GPR143: variants seen among roughly 807,000 people sequenced by gnomAD.
GPR143 encodes the protein G protein-coupled receptor 143.
Under a neutral mutation model 27.6 loss-of-function variants are expected in GPR143, and 8 were observed. The ratio of observed to expected loss-of-function variants is 0.29; its 90% CI spans 0.17 to 0.52. The LOEUF is 0.52. Among genes scored for constraint, GPR143 ranks in the 20% least tolerant of loss-of-function variants. GPR143 has a pLI of 0.96. For missense variants in GPR143, 303 were observed against 343.1 expected, an observed-to-expected ratio of 0.88 and a Z score of 0.92; for synonymous variants, 156 against 153.2, an observed-to-expected ratio of 1.02 and a Z score of -0.13.
At chrX:9,764,568 T>C (rs1267938652) in intron 1 of GPR143, among the ~76,000 whole-genome samples, 5 of 109,907 alleles carry the variant, frequency 4.5e-5, no homozygotes, top group Non-Finnish European at 9.5e-5. Context: ...AGAAGTTAAT[T>C]GTTAGTCTCT....
chrX:9,746,309 G>A (rs887388520), intron 4 of GPR143, among the ~76,000 whole-genome samples, 156 bp from the exon 5 acceptor site: 26 of 111,837 alleles, frequency 2.3e-4, no homozygotes, highest in African/African-American at 8.5e-4. Flanking sequence ...CATTTCTCAT[G>A]TCTGGAACAA....
chrX:9,725,585 C>T lies in GPR143; in HGVS notation c.*161G>A, dbSNP rs1193557323. The T allele has an allele frequency of 2.2e-6, 1 of 462,619 alleles. No individual in the cohort carries two copies. The highest frequency in any genetic ancestry group is 2.4e-5 in the African/African-American group (1 of 41,283). The allele number at this position is 462,619 out of a possible 1,213,427, so 38.1% of individuals were successfully genotyped here. On this transcript the variant is annotated 3_prime_UTR_variant, in exon 9 of 9. Transcript: ENST00000467482. ...GTGTGCATGAACCCTTTCTCCTATC[C>T]TAAAGGCCCTTCGGGAAGAAGCTCT...
intron 6 of GPR143, 97 bp from the exon 7 acceptor site, chrX:9,741,552 A>G: frequency 1.9e-6 from 1 of 526,537 alleles, no homozygotes; most frequent in Non-Finnish European, 3.5e-6. Context: ...CAAGACCTAA[A>G]AGTACCAACT....
At chrX:9,735,209 G>A (rs1446482496) in intron 8 of GPR143, among the ~76,000 whole-genome samples, 1 of 112,044 alleles carries the variant, frequency 8.9e-6, no homozygotes, top group African/African-American at 3.2e-5. Flanking sequence ...GGTCCTACAA[G>A]CAAATTGCAG....
At chrX:9,771,018 C>T (rs1021892173), upstream of GPR143, among the ~76,000 whole-genome samples, 17 of 112,070 alleles carry the variant, frequency 1.5e-4, no homozygotes, top group Admixed American at 1.0e-3. Flanking sequence ...AGGCCAGGTG[C>T]GGTGGCTCAT....
intron 1 of GPR143, 86 bp downstream of exon 1, chrX:9,765,482 G>A: frequency 2.2e-6 from 2 of 903,599 alleles, no homozygotes; most frequent in Admixed American, 4.6e-5. Context: ...CCTTATCCGG[G>A]CACCAGTCGG....
chrX:9,748,445 T>C (rs1335497809), intron 4 of GPR143, 129 bp downstream of exon 4: 15 of 523,190 alleles, frequency 2.9e-5, no homozygotes, highest in African/African-American at 2.3e-5. Flanking sequence ...CATGGCCTCA[T>C]GTGGCCCTGA....
chrX:9,732,848 T>G, intron 8 of GPR143, among the ~76,000 whole-genome samples: 1 of 78,362 alleles, frequency 1.3e-5, no homozygotes, highest in Non-Finnish European at 2.3e-5. Context: ...GGCGACAGAG[T>G]GAATGAAACT....
At chrX:9,774,957 G>A (rs943042019) in intron 1 of GPR143, among the ~76,000 whole-genome samples, 14 of 110,767 alleles carry the variant, frequency 1.3e-4, no homozygotes, top group Non-Finnish European at 1.1e-4. Flanking sequence ...TTGACCTCCC[G>A]GGCTCAAGCG....
intron 1 of GPR143, among the ~76,000 whole-genome samples, chrX:9,762,923 C>A (rs2083509730): frequency 9.0e-6 from 1 of 111,256 alleles, no homozygotes; most frequent in Non-Finnish European, 1.9e-5. Flanking sequence ...TATTCACTAA[C>A]CCTCAAAAGA....
chrX:9,735,588 C>G (rs1254772709), intron 8 of GPR143, among the ~76,000 whole-genome samples: 2 of 111,509 alleles, frequency 1.8e-5, no homozygotes, highest in Non-Finnish European at 3.8e-5. Flanking sequence ...TCCTTACTTA[C>G]TTGGGAGTTT....
chrX:9,757,132 T>C (rs985587868), intron 3 of GPR143, among the ~76,000 whole-genome samples: 1 of 112,498 alleles, frequency 8.9e-6, no homozygotes, highest in Non-Finnish European at 1.9e-5. Context: ...CTAGGTGGCT[T>C]ATAAACAATT....
In GPR143 at chrX:9,747,971, TA is replaced by T. The variant is rs1451170427; in HGVS notation, c.548+602del. The T allele has an allele frequency of 2.6e-5, 3 of 115,712 alleles. No homozygotes were observed. In the East Asian group the frequency reaches 8.0e-4, roughly 31 times the overall value. 9.5% of individuals were successfully genotyped at this position (115,712 alleles called of 1,213,427 possible). ...TCCAGTTTTCCATTGGAAGTTAGAG[TA>T]TATATCCTTGGAAAGACCTTGGCTT... is the stretch of plus-strand genomic sequence containing the variant. On this transcript the variant is annotated intron_variant, in intron 4 of 8. Transcript: ENST00000467482.
intron 4 of GPR143, chrX:9,748,222 A>G: frequency 3.5e-6 from 1 of 282,877 alleles, no homozygotes; most frequent in Non-Finnish European, 6.4e-6. Context: ...GGAAGCTTGA[A>G]GACCAAATAC....
chrX:9,765,001 G>T (rs189090977), intron 1 of GPR143, among the ~76,000 whole-genome samples: 1 of 98,990 alleles, frequency 1.0e-5, no homozygotes, highest in Admixed American at 1.1e-4. Context: ...TTCAGTCTGG[G>T]CGACAGAGCA....
At chrX:9,731,368 C>CA (rs35048847) in intron 8 of GPR143, among the ~76,000 whole-genome samples, 1,061 of 95,027 alleles carry the variant, frequency 0.011, 17 homozygotes, top group African/African-American at 0.036. Context: ...GACTCTGTCT[C>CA]AAAAAAAAAA....
Position 9,725,608 on chromosome X carries a change from T to G in GPR143, c.*138A>C. ...TCCTAAAGGCCCTTCGGGAAGAAGC[T>G]CTAGCTGGTGATGAGAGCAAGGTTT... On this transcript the variant is annotated 3_prime_UTR_variant, in exon 9 of 9. Coordinates refer to ENST00000467482, the MANE Select transcript of GPR143 (RefSeq NM_000273.3). The G allele has an allele frequency of 4.0e-6, 2 of 504,470 alleles. No homozygotes were observed. The highest frequency in any genetic ancestry group is 7.0e-6 in the Non-Finnish European group (2 of 286,114). 41.6% of individuals were successfully genotyped at this position (504,470 alleles called of 1,213,427 possible).
At chrX:9,749,785 G>C (rs1454313497) in intron 3 of GPR143, among the ~76,000 whole-genome samples, 1 of 111,187 alleles carries the variant, frequency 9.0e-6, no homozygotes, top group Non-Finnish European at 1.9e-5. Context: ...GTAGGGGTTA[G>C]GGGTCAGGGT....
chrX:9,773,492 CACACACACACACACACACATAA>C (rs2083561295), intron 1 of GPR143, among the ~76,000 whole-genome samples: 1 of 110,127 alleles, frequency 9.1e-6, no homozygotes. Flanking sequence ...CACACACACA[CACACACACACACACACACATAA>C]ACACACACGC....
Sources: allele counts gnomAD v4.1 joint callset (sites outside exome capture counted in the v4.1 genomes callset), GRCh38; gene constraint gnomAD v4.1.1; transcripts MANE v1.5; gene names NCBI Gene and HGNC (gene_info 2026-07-23, HGNC 2026-07-21).